The following DLGAP2 variants were observed in gnomAD, a reference collection of about 807,000 sequenced individuals.
DLGAP2 encodes the protein DLG associated protein 2, also known as disks large-associated protein 2.
A neutral mutation model predicts 100.3 loss-of-function variants in DLGAP2; 26 were observed. That is an observed-to-expected ratio of 0.26 (90% confidence interval 0.19 to 0.36). DLGAP2 has a LOEUF of 0.36. Ranked by LOEUF, DLGAP2 falls within the 10% of genes least tolerant of loss-of-function variation. The pLI is 1.00. For missense variants in DLGAP2, 1,858 were observed against 1,453.2 expected (o/e 1.28, Z -4.53); for synonymous variants, 886 against 630.1 (o/e 1.41, Z -6.08).
At chr8:1,377,705 G>A (rs574014990) in intron 3 of DLGAP2, among the ~76,000 whole-genome samples, 163 of 152,280 alleles carry the variant, frequency 1.1e-3, no homozygotes, top group Non-Finnish European at 1.5e-3. Context: ...TCTGAGTGCA[G>A]CTCCCTCCTG....
chr8:1,378,469 C>T (rs1259182633), intron 3 of DLGAP2, among the ~76,000 whole-genome samples: 1 of 151,754 alleles, frequency 6.6e-6, no homozygotes, highest in African/African-American at 2.4e-5. Context: ...CTGACTTCGC[C>T]TGTCCATCCT....
chr8:1,590,442 T>C (rs1311426144), intron 6 of DLGAP2, among the ~76,000 whole-genome samples: 1 of 152,184 alleles, frequency 6.6e-6, no homozygotes, highest in Non-Finnish European at 1.5e-5. Context: ...TGGTCAAATA[T>C]AGGATGTCAT....
intron 2 of DLGAP2, among the ~76,000 whole-genome samples, chr8:962,406 A>G (rs1380133944): frequency 6.6e-6 from 1 of 152,200 alleles, no homozygotes; most frequent in Non-Finnish European, 1.5e-5. Context: ...AGCAGCTGCC[A>G]GTGCAAGTCG....
At chr8:1,021,213 G>A (rs1448939321) in intron 2 of DLGAP2, among the ~76,000 whole-genome samples, 1 of 152,104 alleles carries the variant, frequency 6.6e-6, no homozygotes, top group Non-Finnish European at 1.5e-5. Context: ...TGTTACCCTT[G>A]ACATCAGAAA....
chr8:927,149 A>G, intron 2 of DLGAP2: 2 of 985,436 alleles, frequency 2.0e-6, no homozygotes, highest in Non-Finnish European at 2.4e-6. Flanking sequence ...ATGAAGGTGA[A>G]GCTGGTGATG....
chr8:1,666,832 A>T (rs1433236141), intron 8 of DLGAP2, among the ~76,000 whole-genome samples: 3 of 152,182 alleles, frequency 2.0e-5, no homozygotes, highest in Non-Finnish European at 4.4e-5. Flanking sequence ...AAATCCACTC[A>T]TGGGTTAAAA....
chr8:1,254,576 A>G (rs946431471), intron 2 of DLGAP2, among the ~76,000 whole-genome samples: 8 of 152,264 alleles, frequency 5.3e-5, no homozygotes, highest in South Asian at 4.1e-4. Context: ...ATCACGATCT[A>G]TGGCCTAAGA....
At chr8:1,338,327 C>T (rs960305441) in intron 3 of DLGAP2, among the ~76,000 whole-genome samples, 15 of 152,192 alleles carry the variant, frequency 9.9e-5, no homozygotes, top group Non-Finnish European at 1.6e-4. Context: ...GCAGGCCACA[C>T]GTATGATGGA....
chr8:866,360 C>G (rs1011364585), intron 1 of DLGAP2, among the ~76,000 whole-genome samples: 1 of 152,234 alleles, frequency 6.6e-6, no homozygotes, highest in African/African-American at 2.4e-5. Flanking sequence ...AAGTCAGTGC[C>G]AGGCGGGCGC....
rs375542396 is a variant in DLGAP2 at position 1,200,381 on chromosome 8, TC to T, written c.74-58468del. On this transcript the variant is annotated intron_variant, in intron 2 of 14. Transcript: ENST00000637795. ...TTCAGAGCTTGTTAAAACTGTGCTT[TC>T]CGATGTATTTCCTCAAGGACAGTCA... Among the ~76,000 whole-genome samples, 49 of 152,342 alleles carry T rather than the reference TC, an allele frequency of 3.2e-4. No homozygotes were observed. In the East Asian group the frequency reaches 6.0e-3, roughly 19 times the overall value.
At chr8:981,484 C>A (rs1282955657) in intron 2 of DLGAP2, among the ~76,000 whole-genome samples, 13 of 152,046 alleles carry the variant, frequency 8.6e-5, no homozygotes, top group Admixed American at 8.5e-4. Context: ...ATCTGTTTAA[C>A]CTTTTAAGGA....
intron 5 of DLGAP2, among the ~76,000 whole-genome samples, chr8:1,557,079 T>G (rs1370904458): frequency 1.3e-5 from 2 of 152,096 alleles, no homozygotes; most frequent in African/African-American, 4.8e-5. Flanking sequence ...TCTTATGCAC[T>G]GGGGGATGTT....
intron 3 of DLGAP2, among the ~76,000 whole-genome samples, chr8:1,498,570 G>A (rs935445835): frequency 7.9e-5 from 12 of 152,208 alleles, no homozygotes; most frequent in African/African-American, 2.7e-4. Flanking sequence ...GGCAAGAGCA[G>A]AAGAAAGCCA....
At chr8:802,014 C>CTG (rs1342800984) in intron 1 of DLGAP2, among the ~76,000 whole-genome samples, 2 of 148,902 alleles carry the variant, frequency 1.3e-5, no homozygotes, top group Admixed American at 6.6e-5. Context: ...GAGGAACAGT[C>CTG]CGCACCCCTC....
At chr8:1,668,799 C>A in intron 9 of DLGAP2, 121 bp downstream of exon 9, 2 of 942,662 alleles carry the variant, frequency 2.1e-6, no homozygotes, top group Non-Finnish European at 3.1e-6. Flanking sequence ...CCCAGCAGGG[C>A]TGTGGAATCT....
In DLGAP2 at chr8:1,389,925, G is replaced by A. The variant is rs139150187; in HGVS notation, c.107-111441G>A. On this transcript the variant is annotated intron_variant, in intron 3 of 14. Coordinates refer to ENST00000637795, the MANE Select transcript of DLGAP2 (RefSeq NM_001346810.2). ...AGCAGGCGTCCCACAGAGAGGGGCC[G>A]CGGAGCACCCAGCTCCGGCACAGAC... Among the ~76,000 whole-genome samples, 876 of 152,244 alleles carry A rather than the reference G, an allele frequency of 5.8e-3. 4 individuals carry two copies. The highest frequency in any genetic ancestry group is 0.014 in the African/African-American group (577 of 41,550).
In DLGAP2 at chr8:1,630,472, G is replaced by A. The variant is rs1020184844; in HGVS notation, c.1591-2355G>A. ...AATCCCAGCACTTTGGGAGGCCGAG[G>A]TGGGTGGATCACGAGGTCAGGAGAT... On this transcript the variant is annotated intron_variant, in intron 7 of 14. Transcript: ENST00000637795. Among the ~76,000 whole-genome samples, 8 of 152,294 alleles carry A rather than the reference G, an allele frequency of 5.3e-5. No homozygotes were observed. In the East Asian group the frequency reaches 1.2e-3, roughly 22 times the overall value.
In DLGAP2 at chr8:1,503,521, G is replaced by A. The variant is rs777429946; in HGVS notation, c.172+2090G>A. 9.1e-4 allele frequency among the ~76,000 whole-genome samples: 139 copies of A among 152,234 alleles called. 1 individual carries two copies. Among genetic ancestry groups the A allele is most frequent in the Admixed American group, 5.9e-3 (90 of 15,290 alleles). ...ACCACACTGGTTTCCATTCCTCCGT[G>A]GACAGACCCCGGGTCGCTTCTCCTT... is the stretch of plus-strand genomic sequence containing the variant. On this transcript the variant is annotated intron_variant, in intron 4 of 14. Transcript: ENST00000637795.
rs1468932141 is a variant in DLGAP2 at position 1,297,811 on chromosome 8, C to T, written c.106+38928C>T. 3.3e-4 allele frequency among the ~76,000 whole-genome samples: 27 copies of T among 81,200 alleles called. 1 individual carries two copies. The highest frequency in any genetic ancestry group is 5.1e-4 in the Admixed American group (4 of 7,836). The allele number at this position is 81,200 out of a possible 152,430, so 53.3% of individuals were successfully genotyped here. A position where few individuals can be genotyped will look rare whatever the true frequency, so the allele number is the denominator to read the frequency against. ...CGTGAGACAGGGAGGAGAAACGTGGCAGGCGTGAACAGACACCACGTGAGA... is the reference window on the plus strand; with the variant it reads ...CGTGAGACAGGGAGGAGAAACGTGGTAGGCGTGAACAGACACCACGTGAGA... On this transcript the variant is annotated intron_variant, in intron 3 of 14. Coordinates refer to ENST00000637795, the MANE Select transcript of DLGAP2 (RefSeq NM_001346810.2).
Sources: allele counts gnomAD v4.1 joint callset (sites outside exome capture counted in the v4.1 genomes callset), GRCh38; gene constraint gnomAD v4.1.1; transcripts MANE v1.5; gene names NCBI Gene and HGNC (gene_info 2026-07-23, HGNC 2026-07-21).